Variants in PPM1E observed in about 807,000 individuals in gnomAD.
The protein encoded by PPM1E is protein phosphatase 1E.
A neutral mutation model predicts 65.9 loss-of-function variants in PPM1E; 20 were observed. The ratio of observed to expected loss-of-function variants is 0.30; its 90% CI spans 0.21 to 0.44. The LOEUF is 0.44. PPM1E is among the 20% of genes least tolerant of loss of function. The pLI is 1.00. For missense variants in PPM1E, 713 were observed against 953.1 expected (o/e 0.75, Z 3.32); for synonymous variants, 352 against 374.9 (o/e 0.94, Z 0.70).
At chr17:58,911,066 C>G (rs1032066762) in intron 1 of PPM1E, among the ~76,000 whole-genome samples, 7 of 152,128 alleles carry the variant, frequency 4.6e-5, no homozygotes, top group Non-Finnish European at 7.3e-5. Context: ...ACTTCTACAC[C>G]TAGTCTCCAG....
intron 1 of PPM1E, among the ~76,000 whole-genome samples, chr17:58,868,158 T>A (rs548171689): frequency 4.6e-5 from 7 of 152,140 alleles, no homozygotes; most frequent in African/African-American, 1.7e-4. Context: ...GGCAAAACCC[T>A]GTCTCTACAA....
At chr17:58,867,053 T>C (rs2051013425) in intron 1 of PPM1E, among the ~76,000 whole-genome samples, 1 of 152,218 alleles carries the variant, frequency 6.6e-6, no homozygotes, top group Non-Finnish European at 1.5e-5. Flanking sequence ...TGATCTCGGC[T>C]CACTGCAACC....
intron 1 of PPM1E, among the ~76,000 whole-genome samples, chr17:58,809,954 C>T (rs757352767): frequency 2.0e-5 from 3 of 152,146 alleles, no homozygotes; most frequent in Non-Finnish European, 4.4e-5. Flanking sequence ...ATCTTAATGA[C>T]ACATTTTGTT....
At position 58,985,038 on chromosome 17, in the gene PPM1E, A is replaced by G. The variant is rs2031668196; in HGVS notation, c.*4007A>G. 1 of 152,674 alleles carries G rather than the reference A, an allele frequency of 6.5e-6. No homozygotes were observed. The highest frequency in any genetic ancestry group is 1.9e-4 in the East Asian group (1 of 5,204). The allele number at this position is 152,674 out of a possible 1,614,324, so 9.5% of individuals were successfully genotyped here. On this transcript the variant is annotated 3_prime_UTR_variant, in exon 7 of 7. Coordinates refer to ENST00000308249, the MANE Select transcript of PPM1E (RefSeq NM_014906.5). ...TCTTACCAAATAAATTTATCAATTTACAAATCTGCTCTACATCTCACTTTT... is the reference window on the plus strand; with the variant it reads ...TCTTACCAAATAAATTTATCAATTTGCAAATCTGCTCTACATCTCACTTTT...
chr17:58,972,402 G>A, intron 5 of PPM1E, 127 bp downstream of exon 5: 2 of 1,014,576 alleles, frequency 2.0e-6, no homozygotes, highest in Non-Finnish European at 2.8e-6. Context: ...CCAGGCTGGA[G>A]TGCAATGGTG....
At chr17:58,763,092 A>G (rs913813279) in intron 1 of PPM1E, among the ~76,000 whole-genome samples, 9 of 152,080 alleles carry the variant, frequency 5.9e-5, no homozygotes, top group Admixed American at 4.6e-4. Context: ...TTTTACACAT[A>G]TATTAAGTTA....
At chr17:58,789,852 A>C (rs1339543350) in intron 1 of PPM1E, among the ~76,000 whole-genome samples, 2 of 152,088 alleles carry the variant, frequency 1.3e-5, no homozygotes, top group Admixed American at 6.6e-5. Flanking sequence ...ATTATAGTTT[A>C]GTCCCATAAT....
At chr17:58,802,966 C>T (rs1403468695) in intron 1 of PPM1E, among the ~76,000 whole-genome samples, 1 of 152,020 alleles carries the variant, frequency 6.6e-6, no homozygotes, top group Non-Finnish European at 1.5e-5. Flanking sequence ...TAGATCATGC[C>T]ATCTGCAAAC....
At chr17:58,811,039 G>A (rs1449981500) in intron 1 of PPM1E, among the ~76,000 whole-genome samples, 1 of 152,022 alleles carries the variant, frequency 6.6e-6, no homozygotes, top group Non-Finnish European at 1.5e-5. Flanking sequence ...TGTATTTTTG[G>A]TAGAGACGGG....
chr17:58,933,098 T>C (rs2051924671), intron 1 of PPM1E, among the ~76,000 whole-genome samples: 1 of 152,188 alleles, frequency 6.6e-6, no homozygotes, highest in Admixed American at 6.5e-5. Flanking sequence ...CTATACCATC[T>C]GGGTTTATAT....
intron 2 of PPM1E, 50 bp downstream of exon 2, chr17:58,955,817 T>C (rs1409783984): frequency 1.3e-6 from 2 of 1,514,338 alleles, no homozygotes; most frequent in East Asian, 2.4e-5. Flanking sequence ...ATCTTCTATA[T>C]GTAGTGGTCC....
intron 1 of PPM1E, among the ~76,000 whole-genome samples, chr17:58,887,822 T>A (rs1007110399): frequency 1.3e-5 from 2 of 152,072 alleles, no homozygotes; most frequent in African/African-American, 2.4e-5. Context: ...GTGTGGAGAC[T>A]AGAGTAGGAG....
intron 5 of PPM1E, 58 bp from the exon 6 acceptor site, chr17:58,972,769 TTAAAG>T: frequency 2.8e-6 from 4 of 1,409,354 alleles, no homozygotes; most frequent in Non-Finnish European, 4.0e-6. Flanking sequence ...TTGTTTACTG[TTAAAG>T]TAAATGAATA....
intron 1 of PPM1E, among the ~76,000 whole-genome samples, chr17:58,808,534 CTG>C (rs1466318924): frequency 6.6e-6 from 1 of 151,336 alleles, no homozygotes. Context: ...GTACGTGTGT[CTG>C]TGTGTTTGTG....
At chr17:58,831,714 A>G (rs1253887276) in intron 1 of PPM1E, among the ~76,000 whole-genome samples, 1 of 152,068 alleles carries the variant, frequency 6.6e-6, no homozygotes, top group Non-Finnish European at 1.5e-5. Context: ...TCATCCCCCT[A>G]TTGGACAGTT....
chr17:58,825,400 C>G (rs1403353624), intron 1 of PPM1E, among the ~76,000 whole-genome samples: 1 of 151,828 alleles, frequency 6.6e-6, no homozygotes, highest in Non-Finnish European at 1.5e-5. Context: ...GTGAGACTGT[C>G]TCTACAAAAA....
Position 58,982,964 on chromosome 17 carries a change from A to G in PPM1E, c.*1933A>G. ...CAAAGGCAGCAGACTATTGGTACAC[A>G]TTATAGTCCAAAGTGCTTAGCGAAG... is the stretch of plus-strand genomic sequence containing the variant. On this transcript the variant is annotated 3_prime_UTR_variant, in exon 7 of 7. Coordinates refer to ENST00000308249, the MANE Select transcript of PPM1E (RefSeq NM_014906.5). The G allele has an allele frequency of 1.9e-6, 3 of 1,539,516 alleles. No homozygotes were observed. The highest frequency in any genetic ancestry group is 2.6e-6 in the Non-Finnish European group (3 of 1,132,148).
chr17:58,968,370 A>C (rs1287587248), intron 3 of PPM1E, among the ~76,000 whole-genome samples: 1 of 152,148 alleles, frequency 6.6e-6, no homozygotes. Context: ...AGTTACAATG[A>C]TCTGTGATCA....
chr17:58,867,054 C>T (rs2051013464), intron 1 of PPM1E, among the ~76,000 whole-genome samples: 1 of 152,216 alleles, frequency 6.6e-6, no homozygotes, highest in South Asian at 2.1e-4. Context: ...GATCTCGGCT[C>T]ACTGCAACCT....
Sources: gnomAD v4.1 joint callset for allele counts (sites outside exome capture counted in the v4.1 genomes callset) on GRCh38, gnomAD v4.1.1 for gene constraint, MANE v1.5 for transcripts, NCBI Gene and HGNC (gene_info 2026-07-23, HGNC 2026-07-21) for gene names.